The following TTC3 variants were observed in gnomAD, a reference collection of about 807,000 sequenced individuals.
TTC3 encodes the protein tetratricopeptide repeat domain 3, also known as E3 ubiquitin-protein ligase TTC3.
TTC3 carries 180 observed loss-of-function variants against 249.6 expected under a neutral mutation model. The ratio of observed to expected loss-of-function variants is 0.72; its 90% CI spans 0.64 to 0.82. The LOEUF (loss-of-function observed/expected upper bound fraction) is 0.82, where lower values mean the gene tolerates loss of function less well. Among genes scored for constraint, TTC3 ranks in the 40% least tolerant of loss-of-function variants. The pLI is 0.00. For missense variants in TTC3, 2,061 were observed against 2,398.4 expected (o/e 0.86, Z 2.94); for synonymous variants, 717 against 805.0 (o/e 0.89, Z 1.85).
intron 44 of TTC3, 121 bp downstream of exon 44, chr21:37,198,146 T>G (rs2085119771): frequency 1.2e-5 from 14 of 1,201,382 alleles, no homozygotes; most frequent in Middle Eastern, 2.2e-4. Context: ...CATTAGAAAC[T>G]GAATTTCAAT....
At chr21:37,169,143 CTA>C in intron 34 of TTC3, among the ~76,000 whole-genome samples, 1 of 152,184 alleles carries the variant, frequency 6.6e-6, no homozygotes, top group South Asian at 2.1e-4. Flanking sequence ...TAGGAGAGGT[CTA>C]TACAAGGCTG....
chr21:37,112,093 G>A (rs1054601251), intron 11 of TTC3, among the ~76,000 whole-genome samples: 1 of 152,084 alleles, frequency 6.6e-6, no homozygotes, highest in Non-Finnish European at 1.5e-5. Flanking sequence ...ACAAGAGAAA[G>A]CAGGAAAGAT....
chr21:37,194,297 A>G (rs909389666), intron 41 of TTC3, among the ~76,000 whole-genome samples: 14 of 152,286 alleles, frequency 9.2e-5, no homozygotes, highest in Admixed American at 8.5e-4. Flanking sequence ...ATAATTCCTA[A>G]GTTTTAAATT....
At chr21:37,155,037 A>T (rs994718286) in intron 27 of TTC3, among the ~76,000 whole-genome samples, 5 of 152,202 alleles carry the variant, frequency 3.3e-5, no homozygotes, top group Non-Finnish European at 7.3e-5. Flanking sequence ...GTATCATTTT[A>T]ATAAGGATAT....
chr21:37,172,659 A>G (rs761896263), exon 35 of TTC3: 1 of 1,613,966 alleles, frequency 6.2e-7, no homozygotes, highest in Non-Finnish European at 8.5e-7. Context: ...GAAGTGTATG[A>G]AAATTATGAG....
intron 34 of TTC3, among the ~76,000 whole-genome samples, chr21:37,171,526 T>C (rs1190211652): frequency 6.6e-6 from 1 of 152,174 alleles, no homozygotes; most frequent in East Asian, 1.9e-4. Context: ...TGTTGGTAAT[T>C]TGGGGCATGT....
In TTC3 at chr21:37,075,876, A is replaced by AT. The variant is rs1008772254; in HGVS notation, c.-12+2520dup. Among the ~76,000 whole-genome samples the AT allele has an allele frequency of 4.5e-4, 69 of 151,940 alleles. No homozygotes were observed. In the South Asian group the frequency reaches 7.1e-3, roughly 16 times the overall value. ...CAGGTGAGGTGATTTAATTAAAAGT[A>AT]TTTTTTTTCTTATGATGAATGTTTA... On this transcript the variant is annotated intron_variant, in intron 1 of 45. Coordinates refer to ENST00000355666, the Ensembl canonical transcript of TTC3.
At chr21:37,116,778 G>A (rs968443195) in intron 11 of TTC3, among the ~76,000 whole-genome samples, 1 of 152,054 alleles carries the variant, frequency 6.6e-6, no homozygotes, top group African/African-American at 2.4e-5. Context: ...CTGCATTCCA[G>A]CCTGGGTGAC....
intron 29 of TTC3, among the ~76,000 whole-genome samples, chr21:37,160,506 A>T (rs2080604470): frequency 6.6e-6 from 1 of 152,236 alleles, no homozygotes; most frequent in Admixed American, 6.5e-5. Context: ...TATGGCATCT[A>T]ACTGGAATTA....
chr21:37,138,067 C>T (rs1270861792), intron 18 of TTC3, among the ~76,000 whole-genome samples: 1 of 152,166 alleles, frequency 6.6e-6, no homozygotes, highest in Non-Finnish European at 1.5e-5. Flanking sequence ...GATTATGACT[C>T]AGTAAACCCT....
intron 20 of TTC3, 56 bp from the exon 21 acceptor site, chr21:37,144,469 G>A: frequency 1.9e-6 from 3 of 1,565,452 alleles, no homozygotes; most frequent in South Asian, 2.4e-5. Context: ...GACTTTTGAA[G>A]GGAGTGAAAA....
At chr21:37,137,846 C>A (rs1453346714) in intron 18 of TTC3, among the ~76,000 whole-genome samples, 2 of 152,116 alleles carry the variant, frequency 1.3e-5, no homozygotes, top group African/African-American at 4.8e-5. Flanking sequence ...TCAGGAACTA[C>A]CACCCTGAAC....
At chr21:37,132,335 C>T (rs933991210) in intron 16 of TTC3, among the ~76,000 whole-genome samples, 7 of 144,178 alleles carry the variant, frequency 4.9e-5, no homozygotes, top group Non-Finnish European at 7.6e-5. Flanking sequence ...TATTTTTTTT[C>T]TTTTTTTTTT....
intron 39 of TTC3, 59 bp from the exon 40 acceptor site, chr21:37,191,275 A>ACCG: frequency 8.5e-7 from 1 of 1,174,840 alleles, no homozygotes; most frequent in Non-Finnish European, 1.2e-6. Context: ...TGTTTATTTG[A>ACCG]CCGTAAGTGC....
At chr21:37,138,604 G>C (rs1426802286) in intron 18 of TTC3, 30 bp from the exon 19 acceptor site, 2 of 1,570,866 alleles carry the variant, frequency 1.3e-6, no homozygotes, top group Non-Finnish European at 1.7e-6. Flanking sequence ...ATTATATTCA[G>C]ATTTTTAACT....
chr21:37,084,607 C>G (rs2072157352), intron 1 of TTC3, among the ~76,000 whole-genome samples: 1 of 152,158 alleles, frequency 6.6e-6, no homozygotes, highest in Admixed American at 6.5e-5. Flanking sequence ...AGATCACACA[C>G]CCAAGGAAAC....
At chr21:37,094,182 A>T (rs1460780549) in intron 8 of TTC3, 92 bp downstream of exon 8, 3 of 559,684 alleles carry the variant, frequency 5.4e-6, no homozygotes, top group African/African-American at 3.9e-5. Flanking sequence ...GACAATATAC[A>T]ATTCATAAAA....
chr21:37,121,583 A>G (rs2076589850), intron 11 of TTC3, among the ~76,000 whole-genome samples: 1 of 152,206 alleles, frequency 6.6e-6, no homozygotes, highest in African/African-American at 2.4e-5. Flanking sequence ...TCTTAAGCAA[A>G]AATATTGATC....
chr21:37,165,802 A>C, exon 33 of TTC3: 1 of 1,614,176 alleles, frequency 6.2e-7, no homozygotes, highest in Non-Finnish European at 8.5e-7. Context: ...AAATTTCAAA[A>C]GCAGGGGAGT....
Sources: allele counts gnomAD v4.1 joint callset (sites outside exome capture counted in the v4.1 genomes callset), GRCh38; gene constraint gnomAD v4.1.1; transcripts MANE v1.5; gene names NCBI Gene and HGNC (gene_info 2026-07-23, HGNC 2026-07-21).